GALNT17: variants seen among roughly 807,000 people sequenced by gnomAD.
GALNT17 encodes UDP-GalNAc:polypeptide N-acetylgalactosaminyltransferase-like 3.
Under a neutral mutation model 63.7 loss-of-function variants are expected in GALNT17, and 29 were observed. That is an observed-to-expected ratio of 0.46 (90% CI 0.34 to 0.62). The LOEUF is 0.62. Ranked by LOEUF, GALNT17 falls within the 20% of genes least tolerant of loss-of-function variation. The pLI is 0.01. For synonymous variants in GALNT17, 305 were observed against 318.3 expected (o/e 0.96, Z 0.45); for missense variants, 603 against 799.6 (o/e 0.75, Z 2.97).
chr7:71,528,005 C>T (rs1172772608), intron 5 of GALNT17, among the ~76,000 whole-genome samples: 1 of 152,162 alleles, frequency 6.6e-6, no homozygotes, highest in Non-Finnish European at 1.5e-5. Flanking sequence ...GTCGTGTCAA[C>T]CCAAAGGGTC....
chr7:71,213,990 G>A (rs17142911), intron 1 of GALNT17, among the ~76,000 whole-genome samples: 10,429 of 152,172 alleles, frequency 0.069, 486 homozygotes, highest in East Asian at 0.2. Flanking sequence ...GATCCTCTTC[G>A]TGGAAAAACA....
At position 71,357,739 on chromosome 7, in the gene GALNT17, G is replaced by A. The variant is rs546566022; in HGVS notation, c.422+22006G>A. On this transcript the variant is annotated intron_variant, in intron 2 of 10. Transcript: ENST00000333538. ...CTGGCCAACATGGTGAAACTGAGAG[G>A]TGAAGCCTGCTGGACTTACTGGGTT... Among the ~76,000 whole-genome samples, 70 of 152,214 alleles carry A rather than the reference G, an allele frequency of 4.6e-4. 1 individual carries two copies. The Middle Eastern group carries it at 0.017, about 37-fold the overall frequency.
At chr7:71,521,969 CAT>C (rs1260469199) in intron 5 of GALNT17, among the ~76,000 whole-genome samples, 2 of 152,180 alleles carry the variant, frequency 1.3e-5, no homozygotes, top group African/African-American at 4.8e-5. Flanking sequence ...TTCTTGTCCA[CAT>C]GTCTCATTTT....
At chr7:71,589,569 C>G (rs1173521525) in intron 6 of GALNT17, among the ~76,000 whole-genome samples, 1 of 150,574 alleles carries the variant, frequency 6.6e-6, no homozygotes, top group South Asian at 2.1e-4. Context: ...GACACCTTGT[C>G]TCTGAAAAAA....
chr7:71,380,506 G>C (rs2116316146), intron 2 of GALNT17, among the ~76,000 whole-genome samples: 1 of 152,036 alleles, frequency 6.6e-6, no homozygotes, highest in South Asian at 2.1e-4. Context: ...TGTTTTTGTA[G>C]CGATGGGATC....
chr7:71,433,583 T>G (rs1338230488), intron 5 of GALNT17, among the ~76,000 whole-genome samples: 3 of 152,170 alleles, frequency 2.0e-5, no homozygotes. Context: ...GAAGACAGAT[T>G]GAGTATCAAT....
At chr7:71,284,724 G>A (rs1285564117) in intron 1 of GALNT17, 1 of 152,134 alleles carries the variant, frequency 6.6e-6, no homozygotes, top group Non-Finnish European at 1.5e-5. Context: ...ATACACCAAA[G>A]TATTTCCTTA....
intron 1 of GALNT17, among the ~76,000 whole-genome samples, chr7:71,204,171 G>A (rs762997672): frequency 2.0e-5 from 3 of 152,070 alleles, no homozygotes; most frequent in Non-Finnish European, 4.4e-5. Flanking sequence ...CTTATTCATT[G>A]TGTGTTCTTG....
At chr7:71,268,156 T>A (rs774960898) in intron 1 of GALNT17, among the ~76,000 whole-genome samples, 8 of 152,032 alleles carry the variant, frequency 5.3e-5, no homozygotes, top group Non-Finnish European at 1.0e-4. Flanking sequence ...GAGGAGAAAG[T>A]TGGAGGGAAG....
At chr7:71,443,918 G>T (rs1202602766) in intron 5 of GALNT17, among the ~76,000 whole-genome samples, 1 of 152,094 alleles carries the variant, frequency 6.6e-6, no homozygotes, top group Non-Finnish European at 1.5e-5. Flanking sequence ...GTAGAGACGG[G>T]GTTTCACCAT....
chr7:71,173,618 C>A (rs914146670), intron 1 of GALNT17, among the ~76,000 whole-genome samples: 1 of 151,986 alleles, frequency 6.6e-6, no homozygotes, highest in African/African-American at 2.4e-5. Context: ...ACTAAAAATA[C>A]AAAAATTAGC....
intron 5 of GALNT17, among the ~76,000 whole-genome samples, chr7:71,433,349 C>T (rs1786902659): frequency 1.3e-5 from 2 of 152,132 alleles, no homozygotes. Context: ...AGGGGTCACC[C>T]CCATCTGTGG....
rs750193073 is a variant in GALNT17 at position 71,641,535 on chromosome 7, C to T, written c.1081-23876C>T. On this transcript the variant is annotated intron_variant, in intron 6 of 10. Coordinates refer to ENST00000333538, the MANE Select transcript of GALNT17 (RefSeq NM_022479.3). ...CCACTTTCTGGCTCCTAGACAGTGCCGTCTTGCAATGTCCTCACGTAGTGG... is the reference window on the plus strand; with the variant it reads ...CCACTTTCTGGCTCCTAGACAGTGCTGTCTTGCAATGTCCTCACGTAGTGG... Among the ~76,000 whole-genome samples the T allele has an allele frequency of 3.3e-5, 5 of 152,008 alleles. No homozygotes were observed. In the East Asian group the frequency reaches 5.8e-4, roughly 18 times the overall value.
intron 1 of GALNT17, among the ~76,000 whole-genome samples, chr7:71,268,595 T>TA (rs1298665823): frequency 1.1e-4 from 16 of 147,244 alleles, no homozygotes; most frequent in Non-Finnish European, 2.0e-4. Context: ...AAATAAATAT[T>TA]AAAAAAAAGA....
chr7:71,226,834 G>A (rs762570886), intron 1 of GALNT17, among the ~76,000 whole-genome samples: 2 of 152,120 alleles, frequency 1.3e-5, no homozygotes, highest in Non-Finnish European at 2.9e-5. Flanking sequence ...TGAATGGAAA[G>A]TATTGCCAAA....
intron 6 of GALNT17, among the ~76,000 whole-genome samples, chr7:71,665,071 G>A (rs528027411): frequency 7.9e-4 from 120 of 152,172 alleles, no homozygotes; most frequent in African/African-American, 2.5e-3. Flanking sequence ...TCCACCTCCC[G>A]GGTTCAACTG....
intron 6 of GALNT17, among the ~76,000 whole-genome samples, chr7:71,610,523 G>A (rs552051756): frequency 2.0e-5 from 3 of 151,970 alleles, no homozygotes; most frequent in Non-Finnish European, 2.9e-5. Context: ...ACAGCATTCT[G>A]GGGCAAAGGA....
chr7:71,463,865 G>A (rs1787492638), intron 5 of GALNT17, among the ~76,000 whole-genome samples: 1 of 152,124 alleles, frequency 6.6e-6, no homozygotes, highest in Non-Finnish European at 1.5e-5. Context: ...CTTGGTTTTG[G>A]TGGGATTTGG....
intron 10 of GALNT17, 84 bp from the exon 11 acceptor site, chr7:71,711,934 C>G (rs10256176): frequency 0.14 from 201,614 of 1,436,332 alleles, 15,535 homozygotes; most frequent in African/African-American, 0.24. Context: ...TCTCTCCTGT[C>G]TCTCTTTCTC....
Sources: gnomAD v4.1 joint callset for allele counts (sites outside exome capture counted in the v4.1 genomes callset) on GRCh38, gnomAD v4.1.1 for gene constraint, MANE v1.5 for transcripts, NCBI Gene and HGNC (gene_info 2026-07-23, HGNC 2026-07-21) for gene names.